The following MRTFB variants were observed in gnomAD, a reference collection of about 807,000 sequenced individuals.
MRTFB encodes the protein myocardin-related transcription factor B.
A neutral mutation model predicts 104.2 loss-of-function variants in MRTFB; 29 were observed. The observed-to-expected ratio is 0.28, with a 90% CI of 0.21 to 0.38. MRTFB has a LOEUF of 0.38. Among genes scored for constraint, MRTFB ranks in the 10% least tolerant of loss-of-function variants. The probability of loss-of-function intolerance (pLI) is 1.00; values close to 1 mark genes in which losing one functional copy is unlikely to be tolerated. For synonymous variants in MRTFB, 535 were observed against 519.5 expected (o/e 1.03, Z -0.41); for missense variants, 1,270 against 1,341.6 (o/e 0.95, Z 0.83).
At position 14,262,748 on chromosome 16, in the gene MRTFB, G is replaced by A. The variant is rs1030376728; in HGVS notation, c.*1304G>A. 4 of 152,176 alleles carry A rather than the reference G, an allele frequency of 2.6e-5. No homozygotes were observed. Among genetic ancestry groups the A allele is most frequent in the Admixed American group, 2.0e-4 (3 of 15,278 alleles). 9.4% of individuals were successfully genotyped at this position (152,176 alleles called of 1,614,324 possible). On this transcript the variant is annotated 3_prime_UTR_variant, in exon 17 of 17. Coordinates refer to ENST00000571589, the MANE Select transcript of MRTFB (RefSeq NM_001308142.2). ...TTTTCTAAAATGCCAACTATCACAG[G>A]ATTATTTCAAGCTAGTCATTGAGGT...
intron 3 of MRTFB, chr16:14,186,824 G>A: frequency 6.3e-7 from 1 of 1,580,654 alleles, no homozygotes; most frequent in Non-Finnish European, 8.5e-7. Flanking sequence ...AGGGACCCAG[G>A]GACCAGAGTG....
At chr16:14,214,480 A>G (rs1157039518) in intron 6 of MRTFB, among the ~76,000 whole-genome samples, 1 of 152,182 alleles carries the variant, frequency 6.6e-6, no homozygotes, top group Non-Finnish European at 1.5e-5. Flanking sequence ...CAAGTATTAG[A>G]TTATAACTCA....
chr16:14,034,569 G>A, the MRTFB span, among the ~76,000 whole-genome samples: 267 of 148,490 alleles, frequency 1.8e-3, 1 homozygote, highest in South Asian at 9.6e-3. Context: ...AGTGGAGATC[G>A]TGCCATTGCA....
At chr16:13,999,207 A>G in the MRTFB span, among the ~76,000 whole-genome samples, 2 of 151,656 alleles carry the variant, frequency 1.3e-5, no homozygotes, top group Admixed American at 6.6e-5. Flanking sequence ...AAAAAAAAAA[A>G]GAACAGTCAC....
chr16:14,036,532 A>C, the MRTFB span, among the ~76,000 whole-genome samples: 1 of 148,944 alleles, frequency 6.7e-6, no homozygotes, highest in Non-Finnish European at 1.5e-5. Context: ...ATATGTTGAA[A>C]TTATACATTC....
chr16:14,001,320 CTCCATTATCT>C, the MRTFB span, among the ~76,000 whole-genome samples: 1 of 152,200 alleles, frequency 6.6e-6, no homozygotes, highest in South Asian at 2.1e-4. Context: ...GGTTTCTCGG[CTCCATTATCT>C]GCTGTGAGCG....
chr16:14,127,684 C>T (rs1372187846), intron 2 of MRTFB, among the ~76,000 whole-genome samples: 1 of 150,562 alleles, frequency 6.6e-6, no homozygotes, highest in African/African-American at 2.4e-5. Flanking sequence ...CCCCTCTAGC[C>T]TTGGCCAGTG....
chr16:14,208,008 G>C (rs543113733), intron 3 of MRTFB, among the ~76,000 whole-genome samples: 1 of 152,186 alleles, frequency 6.6e-6, no homozygotes, highest in South Asian at 2.1e-4. Context: ...TGGACACCCA[G>C]TTGGGCATCC....
chr16:14,231,442 A>G (rs72785430), intron 8 of MRTFB, among the ~76,000 whole-genome samples: 24,543 of 150,382 alleles, frequency 0.16, 2,653 homozygotes, highest in Non-Finnish European at 0.24. Context: ...ATATTCGTAA[A>G]TTGTGTGTCA....
intron 6 of MRTFB, 27 bp from the exon 7 acceptor site, chr16:14,217,099 T>C (rs777474847): frequency 1.3e-6 from 2 of 1,573,570 alleles, no homozygotes; most frequent in African/African-American, 1.4e-5. Flanking sequence ...ATTCGAGTAA[T>C]GGTTAAAACT....
chr16:14,230,270 A>T (rs1346961181), intron 8 of MRTFB, among the ~76,000 whole-genome samples: 1 of 152,236 alleles, frequency 6.6e-6, no homozygotes, highest in African/African-American at 2.4e-5. Context: ...ACAAAAGCCA[A>T]AATTGAGAAA....
chr16:14,027,157 T>A, the MRTFB span, among the ~76,000 whole-genome samples: 2 of 152,050 alleles, frequency 1.3e-5, no homozygotes, highest in Non-Finnish European at 2.9e-5. Flanking sequence ...CAACCCAAAT[T>A]TCCATCAACA....
intron 8 of MRTFB, among the ~76,000 whole-genome samples, chr16:14,232,558 G>C (rs2042312610): frequency 6.6e-6 from 1 of 152,170 alleles, no homozygotes; most frequent in Non-Finnish European, 1.5e-5. Flanking sequence ...ATCTTTCAAA[G>C]TAAGGTCCTT....
chr16:14,124,618 C>CT (rs2037017319), intron 2 of MRTFB, among the ~76,000 whole-genome samples: 1 of 152,090 alleles, frequency 6.6e-6, no homozygotes, highest in Non-Finnish European at 1.5e-5. Context: ...ATGAAGCCGA[C>CT]TCGTGGTGGA....
the MRTFB span, among the ~76,000 whole-genome samples, chr16:14,003,640 G>GCCTGCCTGCCTGCCTGCCTCCCTCCCTC: frequency 6.8e-6 from 1 of 146,684 alleles, no homozygotes; most frequent in African/African-American, 2.6e-5. Flanking sequence ...CTGCCTGCCT[G>GCCTGCCTGCCTGCCTGCCTCCCTCCCTC]CCTCCCTCCC....
At chr16:14,106,330 G>A (rs539432864) in intron 2 of MRTFB, among the ~76,000 whole-genome samples, 4 of 152,308 alleles carry the variant, frequency 2.6e-5, no homozygotes, top group East Asian at 3.9e-4. Context: ...GAGGTGGGAC[G>A]AAGGTGGTGT....
chr16:14,162,665 A>G (rs1479768559), intron 3 of MRTFB, among the ~76,000 whole-genome samples: 1 of 152,232 alleles, frequency 6.6e-6, no homozygotes, highest in African/African-American at 2.4e-5. Context: ...TTCACAAAGT[A>G]CAAAAACAGG....
At chr16:14,112,950 T>C (rs2036353668) in intron 2 of MRTFB, among the ~76,000 whole-genome samples, 1 of 152,216 alleles carries the variant, frequency 6.6e-6, no homozygotes, top group African/African-American at 2.4e-5. Context: ...CTACCACAAT[T>C]TGACAGTATA....
chr16:14,054,673 A>T, the MRTFB span, among the ~76,000 whole-genome samples: 1 of 152,212 alleles, frequency 6.6e-6, no homozygotes, highest in Admixed American at 6.5e-5. Context: ...GCTAGCTAGT[A>T]AGCTCTCTGA....
Sources: allele counts gnomAD v4.1 joint callset (sites outside exome capture counted in the v4.1 genomes callset), GRCh38; gene constraint gnomAD v4.1.1; transcripts MANE v1.5; gene names NCBI Gene and HGNC (gene_info 2026-07-23, HGNC 2026-07-21).